Variants in PCDH12 observed in about 807,000 individuals in gnomAD.
The protein encoded by PCDH12 is protocadherin-12.
In PCDH12, 45 loss-of-function variants were observed where a neutral mutation model predicts 70.9. The ratio of observed to expected loss-of-function variants is 0.63; its 90% CI spans 0.50 to 0.81. The LOEUF is 0.81. PCDH12 is among the 40% of genes least tolerant of loss of function. The pLI is 0.00. For missense variants in PCDH12, 1,370 were observed against 1,491.7 expected (o/e 0.92, Z 1.34); for synonymous variants, 567 against 626.0 (o/e 0.91, Z 1.41).
At chr5:141,950,277 T>G (rs561018350) in intron 2 of PCDH12, among the ~76,000 whole-genome samples, 2 of 152,150 alleles carry the variant, frequency 1.3e-5, no homozygotes, top group Non-Finnish European at 2.9e-5. Context: ...GCCTGGACCC[T>G]CATCCCAGCA....
chr5:141,946,966 T>G (rs1752950872), intron 3 of PCDH12, among the ~76,000 whole-genome samples: 1 of 151,768 alleles, frequency 6.6e-6, no homozygotes, highest in Non-Finnish European at 1.5e-5. Context: ...TAAGGTGAGT[T>G]ACTTTAAAAT....
intron 3 of PCDH12, among the ~76,000 whole-genome samples, chr5:141,948,285 A>G (rs1752991153): frequency 6.6e-6 from 1 of 152,230 alleles, no homozygotes; most frequent in African/African-American, 2.4e-5. Flanking sequence ...AACAGGGCCT[A>G]GCACATAGAA....
In PCDH12 at chr5:141,948,206, A is replaced by G. The variant is rs534816597; in HGVS notation, c.3130+1226T>C. ...ATTATGAAACACCCCTGACCCTCAC[A>G]TTTTTCCTTTATGAAATGGGGATAA... On this transcript the variant is annotated intron_variant, in intron 3 of 3. Coordinates refer to ENST00000231484, the MANE Select transcript of PCDH12 (RefSeq NM_016580.4). Among the ~76,000 whole-genome samples the G allele has an allele frequency of 3.3e-5, 5 of 152,146 alleles. No individual in the cohort carries two copies. In the South Asian group the frequency reaches 1.0e-3, roughly 32 times the overall value.
In PCDH12 at chr5:141,955,149, C is replaced by T; in HGVS notation, c.2703G>A (p.Gln901=). ...AGDQGSEEAP[Q]RPPASSATLR... ...GGGTTGCAGAGGAGGCTGGTGGCCT[C>T]TGTGGGGCTTCCTCACTGCCCTGGT... The change falls in exon 1 of 4, where the codon CAG becomes CAA. Residue 901 remains glutamine (Q), a synonymous_variant. Transcript: ENST00000231484. The surrounding 1 kb of genome is among the most constrained non-coding windows in gnomAD (Gnocchi z 5.5). 1 of 1,614,216 alleles carries T rather than the reference C, an allele frequency of 6.2e-7. No homozygotes were observed. Among genetic ancestry groups the T allele is most frequent in the South Asian group, 1.1e-5 (1 of 91,088 alleles).
intron 3 of PCDH12, 173 bp downstream of exon 3, chr5:141,949,259 C>T: frequency 2.1e-6 from 2 of 939,454 alleles, no homozygotes; most frequent in South Asian, 9.8e-5. Context: ...CAAAGTAGAA[C>T]CTGGTCTTTA....
rs539437968 is a variant in PCDH12, at chr5:141,945,654, C to A, written c.3282G>T (p.Glu1094Asp). The change falls in exon 4 of 4, where the codon GAG becomes GAT. Residue 1094 changes from glutamate (E) to aspartate (D), a missense_variant. Glu to Asp is a conservative substitution (Grantham distance 45). Transcript: ENST00000231484. ...PRTFQTFGKA[E>D]APELSPTGTR... ...TGCCTGTTGGGCTCAGCTCTGGTGC[C>A]TCTGCCTTGCCGAACGTCTGGAAGG... 11 of 1,614,134 alleles carry A rather than the reference C, an allele frequency of 6.8e-6. No individual in the cohort carries two copies. Among genetic ancestry groups the A allele is most frequent in the Non-Finnish European group, 9.3e-6 (11 of 1,180,050 alleles).
At position 141,957,948 on chromosome 5, in the gene PCDH12, GCTCCTTCCCCC is replaced by G; in HGVS notation, c.-108_-98del. The G allele has an allele frequency of 7.1e-7, 1 of 1,407,128 alleles. No individual in the cohort carries two copies. The highest frequency in any genetic ancestry group is 9.6e-7 in the Non-Finnish European group (1 of 1,044,692). 87.2% of individuals were successfully genotyped at this position (1,407,128 alleles called of 1,614,324 possible). On this transcript the variant is annotated 5_prime_UTR_variant, in exon 1 of 4. The change abolishes the stop of an existing upstream ORF in the 5' untranslated region. Transcript: ENST00000231484. The surrounding 1 kb of genome is among the most constrained non-coding windows in gnomAD (Gnocchi z 4.3). ...TCCTGGATGGCTTGATCAGCCCCGT[GCTCCTTCCCCC>G]AGAGCTGCCGGCACAACCTTGTCCC... is the stretch of plus-strand genomic sequence containing the variant.
At chr5:141,953,121 C>T (rs986087873) in intron 1 of PCDH12, 1 of 152,242 alleles carries the variant, frequency 6.6e-6, no homozygotes, top group African/African-American at 2.4e-5. Context: ...ATGCCAAGCC[C>T]TATGCTGAGC....
rs771597135 is a variant in PCDH12 at position 141,956,118 on chromosome 5, G to C, written c.1734C>G (p.Ser578=). ...PVLSDGKASL[S]VLVNASTGHL... ...GGCCTGTGGAGGCATTCACAAGCAC[G>C]GAGAGGCTGGCTTTTCCATCGCTGA... The change falls in exon 1 of 4, where the codon TCC becomes TCG. Residue 578 remains serine, a synonymous_variant. Transcript: ENST00000231484. 2.5e-5 allele frequency: 40 copies of C among 1,614,036 alleles called. No individual in the cohort carries two copies. Among genetic ancestry groups the C allele is most frequent in the Middle Eastern group, 1.6e-4 (1 of 6,084 alleles).
rs1752832756 is a variant in PCDH12 at position 141,943,787 on chromosome 5, G to A, written c.*1594C>T. On this transcript the variant is annotated 3_prime_UTR_variant, in exon 4 of 4. Transcript: ENST00000231484. The stretch of plus-strand genomic sequence containing the variant: ...ATCCAGCCTGAAAATCACAGATTCT[G>A]TAAGGAGATCACTCTGGCCTAGAGT... The A allele has an allele frequency of 1.3e-5, 2 of 152,160 alleles. No individual in the cohort carries two copies. The highest frequency in any genetic ancestry group is 4.8e-5 in the African/African-American group (2 of 41,420). The allele number at this position is 152,160 out of a possible 1,614,324, so 9.4% of individuals were successfully genotyped here.
rs377507092 is a variant in PCDH12, at chr5:141,956,176, T to C, written c.1676A>G (p.Asn559Ser). ...VSVWVSLLDA[N>S]DNAPEVVQPV... ...CTGGACCACCTCTGGGGCATTATCA[T>C]TGGCATCCAAGAGGCTGACCCACAC... The change falls in exon 1 of 4, where the codon AAT (asparagine) becomes AGT (serine). Residue 559 changes from asparagine (N) to serine (S), a missense_variant. Coordinates refer to ENST00000231484, the MANE Select transcript of PCDH12 (RefSeq NM_016580.4). 5 of 1,614,054 alleles carry C rather than the reference T, an allele frequency of 3.1e-6. No individual in the cohort carries two copies. The highest frequency in any genetic ancestry group is 1.6e-4 in the Middle Eastern group (1 of 6,084).
chr5:141,949,323 C>T, intron 3 of PCDH12, 109 bp downstream of exon 3: 2 of 1,489,576 alleles, frequency 1.3e-6, no homozygotes, highest in South Asian at 1.4e-5. Flanking sequence ...TGCTGATGTT[C>T]CTCCACAGAA....
chr5:141,951,790 C>T (rs1306634039), intron 1 of PCDH12, among the ~76,000 whole-genome samples, 200 bp from the exon 2 acceptor site: 1 of 152,112 alleles, frequency 6.6e-6, no homozygotes, highest in Non-Finnish European at 1.5e-5. Flanking sequence ...GTCATGTCAC[C>T]CCAGGACCTG....
intron 1 of PCDH12, among the ~76,000 whole-genome samples, 166 bp from the exon 2 acceptor site, chr5:141,951,756 C>T (rs1195060303): frequency 1.3e-5 from 2 of 152,230 alleles, no homozygotes; most frequent in Non-Finnish European, 2.9e-5. Context: ...AGACAGGGAC[C>T]TGGGCGGGCA....
chr5:141,949,906 T>C (rs999908474), intron 2 of PCDH12, among the ~76,000 whole-genome samples: 3 of 152,210 alleles, frequency 2.0e-5, no homozygotes, highest in Non-Finnish European at 2.9e-5. Flanking sequence ...TTCATTGATA[T>C]CATTCTCGTT....
In PCDH12 at chr5:141,945,489, G is replaced by A. The variant is rs753446280; in HGVS notation, c.3447C>T (p.Asp1149=). The change falls in exon 4 of 4, where the codon GAC becomes GAT. Residue 1149 remains aspartate (D), a synonymous_variant. Coordinates refer to ENST00000231484, the MANE Select transcript of PCDH12 (RefSeq NM_016580.4). ...TGCCTGAGGCTGCACTGGTGGCCAA[G>A]TCTAAACTGAGGGTCCTCCCGCAGA... ...LSVCGRTLSL[D]LATSAASGMK... 1 of 1,613,470 alleles carries A rather than the reference G, an allele frequency of 6.2e-7. No individual in the cohort carries two copies. The highest frequency in any genetic ancestry group is 1.1e-5 in the South Asian group (1 of 91,054).
intron 1 of PCDH12, among the ~76,000 whole-genome samples, 193 bp from the exon 2 acceptor site, chr5:141,951,783 A>C (rs1753089105): frequency 6.6e-6 from 1 of 152,222 alleles, no homozygotes; most frequent in African/African-American, 2.4e-5. Context: ...CTGCTCTGTC[A>C]TGTCACCCCA....
chr5:141,949,914 G>A (rs1308098510), intron 2 of PCDH12, among the ~76,000 whole-genome samples: 1 of 152,158 alleles, frequency 6.6e-6, no homozygotes, highest in African/African-American at 2.4e-5. Context: ...TATCATTCTC[G>A]TTGCCCCTCC....
At chr5:141,947,673 G>C (rs1752974001) in intron 3 of PCDH12, among the ~76,000 whole-genome samples, 1 of 152,232 alleles carries the variant, frequency 6.6e-6, no homozygotes, top group Non-Finnish European at 1.5e-5. Flanking sequence ...GTGAGGTTCA[G>C]TGAGTTCATG....
Sources: gnomAD v4.1 joint callset for allele counts (sites outside exome capture counted in the v4.1 genomes callset) on GRCh38, gnomAD v4.1.1 for gene constraint, Gnocchi (gnomAD v3.1) non-coding constraint, MANE v1.5 for transcripts, NCBI Gene and HGNC (gene_info 2026-07-23, HGNC 2026-07-21) for gene names.